Variants in PDE3A observed in about 807,000 individuals in gnomAD.
The protein encoded by PDE3A is phosphodiesterase 3A, also known as cGMP-inhibited 3',5'-cyclic phosphodiesterase 3A.
In PDE3A, 43 loss-of-function variants were observed where a neutral mutation model predicts 98.3. That is an observed-to-expected ratio of 0.44 (90% CI 0.34 to 0.56). PDE3A has a LOEUF of 0.56. Among genes scored for constraint, PDE3A ranks in the 20% least tolerant of loss-of-function variants. PDE3A has a pLI of 0.01. For synonymous variants in PDE3A, 663 were observed against 567.9 expected (o/e 1.17, Z -2.38); for missense variants, 1,427 against 1,440.7 (o/e 0.99, Z 0.15).
At chr12:20,501,902 T>C (rs1040134571) in intron 1 of PDE3A, among the ~76,000 whole-genome samples, 40 of 152,154 alleles carry the variant, frequency 2.6e-4, no homozygotes, top group African/African-American at 9.6e-4. Context: ...ATGCAGTGCA[T>C]CCTGATATGA....
At chr12:20,597,508 T>G (rs1416793426) in intron 2 of PDE3A, among the ~76,000 whole-genome samples, 2 of 152,232 alleles carry the variant, frequency 1.3e-5, no homozygotes, top group African/African-American at 4.8e-5. Flanking sequence ...TTTTTTTCTT[T>G]TTTTGATCCT....
chr12:20,369,904 G>A lies in PDE3A; in HGVS notation c.620G>A (p.Arg207Lys), dbSNP rs768989510. The change falls in exon 1 of 16, where the codon AGG becomes AAG. Residue 207 changes from arginine (R) to lysine (K), a missense_variant. Around this residue, in one of 3 missense-constraint regions of PDE3A, gnomAD observed 1,012 missense variants for 886.5 expected, o/e 1.14. Transcript: ENST00000359062. ...GCCGCCGCGACATGGCTGGTGCTGA[G>A]GCTGAGGCTGGGCGTCCTCATGATC... ...CLAAATWLVL[R>K]LRLGVLMIAL... The A allele has an allele frequency of 1.4e-5, 22 of 1,613,302 alleles. No individual in the cohort carries two copies. The highest frequency in any genetic ancestry group is 5.1e-6 in the Non-Finnish European group (6 of 1,179,970).
In PDE3A at chr12:20,652,563, T is replaced by A. The variant is rs1565463932; in HGVS notation, c.2926-1384T>A. Among the ~76,000 whole-genome samples, 15 of 152,334 alleles carry A rather than the reference T, an allele frequency of 9.8e-5. No homozygotes were observed. In the South Asian group the frequency reaches 3.1e-3, roughly 32 times the overall value. The stretch of plus-strand genomic sequence containing the variant: ...CATGTGTCTTTTGGCTGCATAAATG[T>A]CTTCTTTTGAGAAGTGTCTGTTCAT... On this transcript the variant is annotated intron_variant, in intron 14 of 15. Transcript: ENST00000359062.
At chr12:20,502,948 ATCTT>A (rs1370090370) in intron 1 of PDE3A, among the ~76,000 whole-genome samples, 1 of 152,100 alleles carries the variant, frequency 6.6e-6, no homozygotes. Flanking sequence ...AAGATATTTA[ATCTT>A]TCTAAGTCAT....
rs538140511 is a variant in PDE3A at position 20,602,897 on chromosome 12, T to A, written c.1012-10546T>A. Among the ~76,000 whole-genome samples, 89 of 152,310 alleles carry A rather than the reference T, an allele frequency of 5.8e-4. 1 individual carries two copies. The highest frequency in any genetic ancestry group is 1.1e-3 in the Non-Finnish European group (76 of 68,030). On this transcript the variant is annotated intron_variant, in intron 2 of 15. Transcript: ENST00000359062. ...ATTATAAATGGGTCCTATGAAAGTA[T>A]AAACACATATGCAATTTTGCTGTCT...
intron 6 of PDE3A, among the ~76,000 whole-genome samples, chr12:20,632,487 G>A (rs1304862484): frequency 6.6e-6 from 1 of 152,196 alleles, no homozygotes; most frequent in Non-Finnish European, 1.5e-5. Flanking sequence ...TCAGTCAGAA[G>A]GAAAGAACCC....
Position 20,386,308 on chromosome 12 carries a change from T to TA in PDE3A, c.960+16073dup, listed in dbSNP as rs1158597331. Reference sequence around the variant, plus strand: ...ATATTATAGTATAATAAAAAAATACTAAAAAAAAATTGCCATTCTGACTGG... The same window carrying TA: ...ATATTATAGTATAATAAAAAAATACTAAAAAAAAAATTGCCATTCTGACTGG... On this transcript the variant is annotated intron_variant, in intron 1 of 15. Coordinates refer to ENST00000359062, the MANE Select transcript of PDE3A (RefSeq NM_000921.5). Among the ~76,000 whole-genome samples the TA allele has an allele frequency of 1.1e-3, 156 of 141,648 alleles. 1 individual carries two copies. The highest frequency in any genetic ancestry group is 3.2e-3 in the African/African-American group (124 of 38,214). The allele number at this position is 141,648 out of a possible 152,430, so 92.9% of individuals were successfully genotyped here.
chr12:20,429,601 A>C (rs1944661019), intron 1 of PDE3A, among the ~76,000 whole-genome samples: 1 of 152,186 alleles, frequency 6.6e-6, no homozygotes, highest in African/African-American at 2.4e-5. Context: ...TCTAAGTAAT[A>C]ATAATAGGCT....
At chr12:20,628,994 A>C (rs1295798457) in intron 5 of PDE3A, among the ~76,000 whole-genome samples, 1 of 152,180 alleles carries the variant, frequency 6.6e-6, no homozygotes, top group Non-Finnish European at 1.5e-5. Flanking sequence ...ATAGACAACG[A>C]CTTTTAATAA....
At chr12:20,436,250 G>A (rs1437853776) in intron 1 of PDE3A, among the ~76,000 whole-genome samples, 1 of 152,064 alleles carries the variant, frequency 6.6e-6, no homozygotes, top group Non-Finnish European at 1.5e-5. Context: ...GGAAGTTACA[G>A]CTTCAATGAC....
chr12:20,393,037 G>A (rs1230782275), intron 1 of PDE3A, among the ~76,000 whole-genome samples: 1 of 151,758 alleles, frequency 6.6e-6, no homozygotes, highest in East Asian at 1.9e-4. Context: ...TTAGATGGAA[G>A]GAATACATTC....
intron 1 of PDE3A, among the ~76,000 whole-genome samples, chr12:20,521,324 T>C (rs566571610): frequency 6.6e-6 from 1 of 152,120 alleles, no homozygotes; most frequent in Non-Finnish European, 1.5e-5. Flanking sequence ...AGAGGAGTGG[T>C]AACATGAATA....
At chr12:20,607,535 T>G (rs1943742417) in intron 2 of PDE3A, among the ~76,000 whole-genome samples, 1 of 152,098 alleles carries the variant, frequency 6.6e-6, no homozygotes. Context: ...AAAACCGCAC[T>G]TTCCTCCACT....
chr12:20,552,141 C>G lies in PDE3A; in HGVS notation c.961-4519C>G. On this transcript the variant is annotated intron_variant, in intron 1 of 15. Coordinates refer to ENST00000359062, the MANE Select transcript of PDE3A (RefSeq NM_000921.5). This position sits in a 1 kb window ranked among gnomAD's most constrained non-coding sequence, Gnocchi z 5.1. The stretch of plus-strand genomic sequence containing the variant: ...CTTGTGATCAGAAACTCACCAACAC[C>G]AACAGGGCGCTGGCTCTCAACTGCT... 1 of 1,613,654 alleles carries G rather than the reference C, an allele frequency of 6.2e-7. No individual in the cohort carries two copies. Among genetic ancestry groups the G allele is most frequent in the South Asian group, 1.1e-5 (1 of 91,062 alleles).
intron 1 of PDE3A, among the ~76,000 whole-genome samples, chr12:20,511,243 C>T (rs7965577): frequency 0.28 from 42,828 of 151,980 alleles, 7,126 homozygotes; most frequent in East Asian, 0.6. Context: ...GTGTTCATTG[C>T]TACACTCCAG....
intron 1 of PDE3A, among the ~76,000 whole-genome samples, chr12:20,538,999 T>C (rs578132728): frequency 5.5e-4 from 83 of 152,120 alleles, no homozygotes; most frequent in Non-Finnish European, 1.0e-3. Context: ...TTAAAAAGCA[T>C]GTATTGAATC....
intron 1 of PDE3A, among the ~76,000 whole-genome samples, chr12:20,541,336 C>T (rs1019600959): frequency 6.6e-6 from 1 of 151,782 alleles, no homozygotes; most frequent in Non-Finnish European, 1.5e-5. Context: ...TGCTGGCCTC[C>T]TCAACTGATC....
chr12:20,547,304 C>G (rs567584478), intron 1 of PDE3A, among the ~76,000 whole-genome samples: 2 of 152,102 alleles, frequency 1.3e-5, no homozygotes, highest in Non-Finnish European at 2.9e-5. Context: ...ACCTGGTATA[C>G]TATGTTTCTG....
At chr12:20,676,368 T>G (rs750143623) in intron 15 of PDE3A, among the ~76,000 whole-genome samples, 15 of 152,160 alleles carry the variant, frequency 9.9e-5, no homozygotes, top group Non-Finnish European at 2.2e-4. Context: ...TTCAGTGACT[T>G]GAATATATTA....
Sources: gnomAD v4.1 joint callset for allele counts (sites outside exome capture counted in the v4.1 genomes callset) on GRCh38, gnomAD v4.1.1 for gene constraint, gnomAD v4.1.1 regional missense constraint, Gnocchi (gnomAD v3.1) non-coding constraint, MANE v1.5 for transcripts, NCBI Gene and HGNC (gene_info 2026-07-23, HGNC 2026-07-21) for gene names.